Variants in XRCC4 observed in about 807,000 individuals in gnomAD.
XRCC4 encodes the protein X-ray repair cross complementing 4, also known as DNA repair protein XRCC4.
In XRCC4, 28 loss-of-function variants were observed where a neutral mutation model predicts 39.1. That is an observed-to-expected ratio of 0.72 (90% confidence interval 0.53 to 0.98). The LOEUF (loss-of-function observed/expected upper bound fraction) is 0.98. Among genes scored for constraint, XRCC4 ranks in the 50% least tolerant of loss-of-function variants. XRCC4 has a pLI of 0.00. For synonymous variants in XRCC4, 123 were observed against 126.4 expected (o/e 0.97, Z 0.18); for missense variants, 350 against 376.4 (o/e 0.93, Z 0.58).
intron 7 of XRCC4, among the ~76,000 whole-genome samples, chr5:83,312,822 T>G (rs1345764697): frequency 2.6e-5 from 4 of 152,138 alleles, no homozygotes; most frequent in African/African-American, 9.7e-5. Flanking sequence ...ATGAGAGTGC[T>G]AAGATGCACG....
intron 3 of XRCC4, among the ~76,000 whole-genome samples, chr5:83,135,819 A>G (rs1186357444): frequency 1.3e-5 from 2 of 152,156 alleles, no homozygotes; most frequent in Non-Finnish European, 2.9e-5. Context: ...TAAAATTGTA[A>G]TAACCTTTAA....
At chr5:83,258,065 C>T (rs1304315068) in intron 6 of XRCC4, among the ~76,000 whole-genome samples, 1 of 152,056 alleles carries the variant, frequency 6.6e-6, no homozygotes, top group Non-Finnish European at 1.5e-5. Context: ...GGAGGGATAC[C>T]ATTAGGAGAA....
intron 1 of XRCC4, among the ~76,000 whole-genome samples, chr5:83,085,564 A>T (rs1271925179): frequency 6.6e-6 from 1 of 152,194 alleles, no homozygotes; most frequent in East Asian, 1.9e-4. Context: ...AAATGACAGT[A>T]TCATTGCTAT....
rs113022185 is a variant in XRCC4 at position 83,229,614 on chromosome 5, T to C, written c.745+24693T>C. ...TAGAGAAATATCTTCAGAGAAATTATGCTCATTCCATTAAAACTTTATTCC... is the reference window on the plus strand; with the variant it reads ...TAGAGAAATATCTTCAGAGAAATTACGCTCATTCCATTAAAACTTTATTCC... On this transcript the variant is annotated intron_variant, in intron 6 of 7. Coordinates refer to ENST00000396027, the MANE Select transcript of XRCC4 (RefSeq NM_003401.5). Among the ~76,000 whole-genome samples, 1,075 of 151,414 alleles carry C rather than the reference T, an allele frequency of 7.1e-3. 14 individuals are homozygous for C. Among genetic ancestry groups the C allele is most frequent in the African/African-American group, 0.025 (1,028 of 41,250 alleles).
At position 83,163,135 on chromosome 5, in the gene XRCC4, C is replaced by T. The variant is rs550611697; in HGVS notation, c.316-32635C>T. Among the ~76,000 whole-genome samples, 8 of 151,746 alleles carry T rather than the reference C, an allele frequency of 5.3e-5. No individual in the cohort carries two copies. The East Asian group carries it at 1.2e-3, about 22-fold the overall frequency. ...CTAATTTTTGTATTTTTAGTAAAGA[C>T]GGGGTTTCACCATTTTGGCCAGGTT... On this transcript the variant is annotated intron_variant, in intron 3 of 7. Coordinates refer to ENST00000396027, the MANE Select transcript of XRCC4 (RefSeq NM_003401.5).
intron 7 of XRCC4, among the ~76,000 whole-genome samples, chr5:83,340,977 C>G (rs1196439903): frequency 6.6e-6 from 1 of 152,012 alleles, no homozygotes; most frequent in Non-Finnish European, 1.5e-5. Flanking sequence ...TTTTCCTTAA[C>G]TGGACCACTA....
chr5:83,298,074 T>C (rs1755154273), intron 7 of XRCC4, among the ~76,000 whole-genome samples: 2 of 151,942 alleles, frequency 1.3e-5, no homozygotes, highest in Admixed American at 6.6e-5. Flanking sequence ...ATCATTACCA[T>C]TTTGCACTTT....
intron 7 of XRCC4, among the ~76,000 whole-genome samples, chr5:83,335,930 A>T (rs957892883): frequency 6.6e-6 from 1 of 152,050 alleles, no homozygotes; most frequent in African/African-American, 2.4e-5. Flanking sequence ...TATGTGGAAA[A>T]CTACACATAA....
intron 3 of XRCC4, among the ~76,000 whole-genome samples, chr5:83,112,540 A>T (rs1449424379): frequency 1.3e-5 from 2 of 152,238 alleles, no homozygotes; most frequent in Non-Finnish European, 2.9e-5. Flanking sequence ...ACATGCTAAA[A>T]GACGGGGCTT....
At chr5:83,331,116 G>T (rs572275630) in intron 7 of XRCC4, among the ~76,000 whole-genome samples, 1 of 152,134 alleles carries the variant, frequency 6.6e-6, no homozygotes, top group Non-Finnish European at 1.5e-5. Context: ...CTCAATAGAA[G>T]TAGATTCTGT....
At chr5:83,121,477 G>C (rs373237117) in intron 3 of XRCC4, among the ~76,000 whole-genome samples, 1 of 152,056 alleles carries the variant, frequency 6.6e-6, no homozygotes, top group South Asian at 2.1e-4. Flanking sequence ...ATTTTAGTGG[G>C]TGTGTGACCA....
At chr5:83,271,560 C>G (rs1484288558) in intron 7 of XRCC4, among the ~76,000 whole-genome samples, 5 of 151,996 alleles carry the variant, frequency 3.3e-5, no homozygotes, top group Admixed American at 2.0e-4. Context: ...TTAAATGAAA[C>G]CCTATTTTAC....
chr5:83,198,115 G>A (rs1271554073), intron 4 of XRCC4, among the ~76,000 whole-genome samples: 2 of 152,148 alleles, frequency 1.3e-5, no homozygotes, highest in Non-Finnish European at 2.9e-5. Context: ...ATGAGCATAT[G>A]GAGTTAGGTA....
intron 3 of XRCC4, among the ~76,000 whole-genome samples, chr5:83,112,729 C>A (rs758217040): frequency 6.6e-6 from 1 of 151,996 alleles, no homozygotes; most frequent in Non-Finnish European, 1.5e-5. Context: ...TGGTGGCAGG[C>A]AAAAGAACAT....
chr5:83,235,751 G>A (rs1046720947), intron 6 of XRCC4, among the ~76,000 whole-genome samples: 13 of 151,192 alleles, frequency 8.6e-5, no homozygotes, highest in African/African-American at 3.2e-4. Flanking sequence ...AGAAATTAAG[G>A]GCATTAAATT....
At chr5:83,235,347 A>AAC (rs1361453520) in intron 6 of XRCC4, among the ~76,000 whole-genome samples, 1 of 151,186 alleles carries the variant, frequency 6.6e-6, no homozygotes, top group African/African-American at 2.4e-5. Context: ...AAAAAAAAAA[A>AAC]AAAAAAGAAA....
intron 1 of XRCC4, among the ~76,000 whole-genome samples, chr5:83,080,031 A>G (rs1056152798): frequency 2.0e-5 from 3 of 152,240 alleles, no homozygotes; most frequent in East Asian, 1.9e-4. Context: ...TTTGGCATAC[A>G]GTAAGCACTC....
intron 6 of XRCC4, among the ~76,000 whole-genome samples, chr5:83,235,465 A>G (rs947943264): frequency 6.6e-6 from 1 of 152,136 alleles, no homozygotes; most frequent in African/African-American, 2.4e-5. Flanking sequence ...CAAAAATCAT[A>G]TAATCACTTC....
At chr5:83,323,608 A>C (rs1343888225) in intron 7 of XRCC4, among the ~76,000 whole-genome samples, 1 of 151,978 alleles carries the variant, frequency 6.6e-6, no homozygotes, top group Non-Finnish European at 1.5e-5. Flanking sequence ...TGATTAATAC[A>C]AATTTTTGCT....
Sources: allele counts gnomAD v4.1 joint callset (sites outside exome capture counted in the v4.1 genomes callset), GRCh38; gene constraint gnomAD v4.1.1; transcripts MANE v1.5; gene names NCBI Gene and HGNC (gene_info 2026-07-23, HGNC 2026-07-21).